Variants in TNS4 observed in about 807,000 individuals in gnomAD.
TNS4 encodes tensin 4.
In TNS4, 46 loss-of-function variants were observed where a neutral mutation model predicts 70.4. The ratio of observed to expected loss-of-function variants is 0.65; its 90% confidence interval spans 0.52 to 0.84. The LOEUF (loss-of-function observed/expected upper bound fraction) is 0.84. TNS4 is among the 40% of genes least tolerant of loss of function. The pLI, the probability that TNS4 is intolerant of heterozygous loss-of-function variation, is 0.00. For missense variants in TNS4, 863 were observed against 907.0 expected, an observed-to-expected ratio of 0.95 and a Z score of 0.62; for synonymous variants, 390 against 366.6, an observed-to-expected ratio of 1.06 and a Z score of -0.73.
At chr17:40,483,506 A>G (rs2035953028) in intron 6 of TNS4, among the ~76,000 whole-genome samples, 1 of 152,114 alleles carries the variant, frequency 6.6e-6, no homozygotes, top group African/African-American at 2.4e-5. Context: ...TGGCAAGGAA[A>G]CTTCTTAATT....
Position 40,478,562 on chromosome 17 carries a change from GC to G in TNS4, c.1979+17del, listed in dbSNP as rs1181083813. 1.2e-6 allele frequency: 2 copies of G among 1,613,824 alleles called. No individual in the cohort carries two copies. Among genetic ancestry groups the G allele is most frequent in the Non-Finnish European group, 1.7e-6 (2 of 1,179,856 alleles). ...GGCCCTGGACAGCCTTCTTAGTTTG[GC>G]CCAGCCTTGAACTTACTTCCGTTGC... On this transcript the variant is annotated intron_variant, in intron 11 of 12. Coordinates refer to ENST00000254051, the MANE Select transcript of TNS4 (RefSeq NM_032865.6).
At position 40,496,239 on chromosome 17, in the gene TNS4, G is replaced by C; in HGVS notation, c.187C>G (p.Pro63Ala). 1 of 1,594,706 alleles carries C rather than the reference G, an allele frequency of 6.3e-7. No individual in the cohort carries two copies. Among genetic ancestry groups the C allele is most frequent in the Non-Finnish European group, 8.5e-7 (1 of 1,171,052 alleles). The change falls in exon 2 of 13, where the codon CCT becomes GCT. Residue 63 changes from proline to alanine, a missense_variant. Transcript: ENST00000254051. ...LMAPVPCMGP[P>A]GRLQQAPQVE... ...TGTGGGGCTTGCTGGAGTCGGCCAG[G>C]GGGCCCCATGCAGGGCACGGGGGCC...
At chr17:40,497,654 CA>C in intron 1 of TNS4, among the ~76,000 whole-genome samples, 1 of 151,766 alleles carries the variant, frequency 6.6e-6, no homozygotes, top group African/African-American at 2.4e-5. Flanking sequence ...ACCATTTGTG[CA>C]AAAGTCTGGC....
At chr17:40,481,621 C>A (rs757436461) in intron 8 of TNS4, among the ~76,000 whole-genome samples, 18 of 152,252 alleles carry the variant, frequency 1.2e-4, no homozygotes, top group Non-Finnish European at 2.2e-4. Flanking sequence ...CCGCCTTGGC[C>A]TCCCGAAGTG....
chr17:40,478,828 C>G (rs938744916), intron 10 of TNS4, among the ~76,000 whole-genome samples, 180 bp from the exon 11 acceptor site: 1 of 152,160 alleles, frequency 6.6e-6, no homozygotes, highest in Admixed American at 6.5e-5. Context: ...GCTCCTGCCT[C>G]TCTCCTCTCA....
In TNS4 at chr17:40,488,818, G is replaced by C. The variant is rs1363184978; in HGVS notation, c.591C>G (p.Ser197Arg). ...TCCCAGAGAAGATGAGGCTCTCACT[G>C]CTGCTTCGTGTCTCTCGGGGGACGT... Reference protein sequence around the residue: ...SRDVPRETRSSSESLIFSGNQ... With the variant: ...SRDVPRETRSRSESLIFSGNQ... Residue 197 changes from serine to arginine, a missense_variant, in exon 3 of 13, where the codon AGC becomes AGG. Ser to Arg is a moderately radical substitution (Grantham distance 110). Coordinates refer to ENST00000254051, the MANE Select transcript of TNS4 (RefSeq NM_032865.6). 3 of 1,613,524 alleles carry C rather than the reference G, an allele frequency of 1.9e-6. No individual in the cohort carries two copies. Among genetic ancestry groups the C allele is most frequent in the Admixed American group, 3.3e-5 (2 of 59,994 alleles).
intron 8 of TNS4, 93 bp from the exon 9 acceptor site, chr17:40,480,861 A>C: frequency 1.4e-6 from 2 of 1,397,962 alleles, no homozygotes; most frequent in Non-Finnish European, 2.0e-6. Flanking sequence ...ATCCCTTTGA[A>C]GATCTCCCAC....
intron 4 of TNS4, among the ~76,000 whole-genome samples, chr17:40,485,341 A>G (rs891677894): frequency 6.6e-6 from 1 of 152,256 alleles, no homozygotes; most frequent in Non-Finnish European, 1.5e-5. Context: ...TAAGAGATAA[A>G]CAAGGAATTC....
chr17:40,479,916 G>A (rs948925941), intron 9 of TNS4, 74 bp from the exon 10 acceptor site: 2 of 1,485,696 alleles, frequency 1.3e-6, no homozygotes, highest in Admixed American at 2.2e-5. Flanking sequence ...GGCCAGGGGA[G>A]GGGGTGAGTC....
chr17:40,478,065 C>T (rs1226325674), intron 12 of TNS4: 1 of 616,598 alleles, frequency 1.6e-6, no homozygotes, highest in South Asian at 2.0e-5. Context: ...TAGCTTGAGG[C>T]TCCCTGAAGT....
intron 1 of TNS4, among the ~76,000 whole-genome samples, chr17:40,497,737 G>A (rs1013932851): frequency 6.6e-6 from 1 of 152,210 alleles, no homozygotes; most frequent in Non-Finnish European, 1.5e-5. Flanking sequence ...GAGGAGATGG[G>A]GCGGGGGAGG....
intron 8 of TNS4, among the ~76,000 whole-genome samples, 173 bp downstream of exon 8, chr17:40,481,956 C>T (rs1455203695): frequency 6.6e-6 from 1 of 152,222 alleles, no homozygotes; most frequent in Non-Finnish European, 1.5e-5. Flanking sequence ...TCAGAGAGGT[C>T]AACATTCTCA....
intron 2 of TNS4, among the ~76,000 whole-genome samples, chr17:40,489,380 C>T (rs953287817): frequency 6.6e-6 from 1 of 152,166 alleles, no homozygotes. Context: ...GCACTGTTCC[C>T]GGCACAGACC....
In TNS4 at chr17:40,496,346, G is replaced by A. The variant is rs2036144893; in HGVS notation, c.80C>T (p.Thr27Ile). ...SLAPCDEPRRTLHPAPSPSLP... is the reference protein window; with the variant it reads ...SLAPCDEPRRILHPAPSPSLP... ...GCTGGGGCTGGGTGCTGGGTGCAGGGTCCTCCTGGGCTCATCACAAGGCGC... is the reference window on the plus strand; with the variant it reads ...GCTGGGGCTGGGTGCTGGGTGCAGGATCCTCCTGGGCTCATCACAAGGCGC... Residue 27 changes from threonine (T) to isoleucine (I), a missense_variant, in exon 2 of 13, where the codon ACC (threonine) becomes ATC (isoleucine). Transcript: ENST00000254051. 1 of 1,613,534 alleles carries A rather than the reference G, an allele frequency of 6.2e-7. No individual in the cohort carries two copies. The highest frequency in any genetic ancestry group is 2.2e-5 in the East Asian group (1 of 44,884).
intron 2 of TNS4, among the ~76,000 whole-genome samples, chr17:40,491,675 G>A (rs1400291051): frequency 6.6e-6 from 1 of 152,048 alleles, no homozygotes; most frequent in African/African-American, 2.4e-5. Context: ...GGAGGGGAGG[G>A]AGGAGCCCCG....
At position 40,477,738 on chromosome 17, in the gene TNS4, G is replaced by A. The variant is rs924214845; in HGVS notation, c.2007-9C>T. ...CCACAAACCCAAAGATCCTGGTGGG[G>A]GAGGGCAGTCTGAGTGAGGGGTGGG... On this transcript the variant is annotated splice_polypyrimidine_tract_variant and intron_variant, in intron 12 of 12. Coordinates refer to ENST00000254051, the MANE Select transcript of TNS4 (RefSeq NM_032865.6). 6.2e-7 allele frequency: 1 copy of A among 1,613,626 alleles called. No homozygotes were observed. The highest frequency in any genetic ancestry group is 8.5e-7 in the Non-Finnish European group (1 of 1,179,904).
chr17:40,499,889 C>A (rs561315522), intron 1 of TNS4, among the ~76,000 whole-genome samples: 1 of 152,174 alleles, frequency 6.6e-6, no homozygotes, highest in Admixed American at 6.5e-5. Context: ...GGTGTCCCCT[C>A]GCAACCAGGA....
intron 4 of TNS4, among the ~76,000 whole-genome samples, chr17:40,486,272 C>T (rs777064581): frequency 6.6e-6 from 1 of 152,202 alleles, no homozygotes; most frequent in African/African-American, 2.4e-5. Flanking sequence ...CCATCCACCC[C>T]CTCTGTGTTC....
chr17:40,477,633 G>T lies in TNS4; in HGVS notation c.2103C>A (p.Val701=). Residue 701 remains valine (V), a synonymous_variant, in exon 13 of 13, where the codon GTC becomes GTA. Transcript: ENST00000254051. ...GCAGCAGAGCAGTCACCAGGCCGAT[G>T]ACCTGCGAGGCTGGCTGGACCATGT... ...EYDMVQPASQ[V]IGLVTALLQD... is the part of the protein sequence containing the mutation. 6.2e-7 allele frequency: 1 copy of T among 1,614,152 alleles called. No homozygotes were observed. Among genetic ancestry groups the T allele is most frequent in the Non-Finnish European group, 8.5e-7 (1 of 1,180,022 alleles).
Sources: allele counts gnomAD v4.1 joint callset (sites outside exome capture counted in the v4.1 genomes callset), GRCh38; gene constraint gnomAD v4.1.1; transcripts MANE v1.5; gene names NCBI Gene and HGNC (gene_info 2026-07-23, HGNC 2026-07-21).